The following GALNTL6 variants were observed in gnomAD, a reference collection of about 807,000 sequenced individuals.
The protein encoded by GALNTL6 is polypeptide N-acetylgalactosaminyltransferase-like 6.
A neutral mutation model predicts 73.7 loss-of-function variants in GALNTL6; 46 were observed. The observed-to-expected ratio is 0.62, with a 90% CI of 0.49 to 0.80. The LOEUF (loss-of-function observed/expected upper bound fraction) is 0.80. Ranked by LOEUF, GALNTL6 falls within the 30% of genes least tolerant of loss-of-function variation. The pLI, the probability that GALNTL6 is intolerant of heterozygous loss-of-function variation, is 0.00. For missense variants in GALNTL6, 604 were observed against 755.0 expected (o/e 0.80, Z 2.34); for synonymous variants, 259 against 263.7 (o/e 0.98, Z 0.17).
At chr4:172,418,201 G>A (rs543261918) in intron 5 of GALNTL6, among the ~76,000 whole-genome samples, 2 of 152,234 alleles carry the variant, frequency 1.3e-5, no homozygotes, top group South Asian at 4.1e-4. Flanking sequence ...AATTTAAAAA[G>A]TAAAACTTTT....
intron 2 of GALNTL6, among the ~76,000 whole-genome samples, chr4:172,224,472 T>C (rs1407659145): frequency 2.0e-5 from 3 of 152,160 alleles, no homozygotes; most frequent in Non-Finnish European, 4.4e-5. Flanking sequence ...TAAGATAGGT[T>C]TTAGAATACA....
At chr4:171,881,156 G>A (rs933906402) in intron 2 of GALNTL6, among the ~76,000 whole-genome samples, 15 of 152,066 alleles carry the variant, frequency 9.9e-5, no homozygotes, top group Non-Finnish European at 1.8e-4. Flanking sequence ...AGATTTCTGC[G>A]GAATAAACCT....
chr4:171,927,830 C>G (rs1301931438), intron 2 of GALNTL6, among the ~76,000 whole-genome samples: 1 of 152,196 alleles, frequency 6.6e-6, no homozygotes, highest in Non-Finnish European at 1.5e-5. Context: ...TTGTCTCTCT[C>G]ATGTCATTCA....
chr4:172,630,380 C>A (rs1272920278), intron 5 of GALNTL6, among the ~76,000 whole-genome samples: 1 of 152,070 alleles, frequency 6.6e-6, no homozygotes, highest in Non-Finnish European at 1.5e-5. Flanking sequence ...TACATTTTAT[C>A]TTTTTATAAC....
intron 3 of GALNTL6, among the ~76,000 whole-genome samples, chr4:172,281,577 G>A (rs371852496): frequency 2.0e-4 from 30 of 152,176 alleles, no homozygotes; most frequent in Middle Eastern, 3.4e-3. Flanking sequence ...CAGGCATTGT[G>A]GTGCACGCCT....
intron 5 of GALNTL6, among the ~76,000 whole-genome samples, chr4:172,455,962 C>G (rs1228648071): frequency 6.6e-6 from 1 of 152,136 alleles, no homozygotes; most frequent in African/African-American, 2.4e-5. Flanking sequence ...CAGCTGGCAT[C>G]TGACGGTTAC....
At chr4:172,061,945 CT>C (rs11284710) in intron 2 of GALNTL6, among the ~76,000 whole-genome samples, 35,717 of 114,230 alleles carry the variant, frequency 0.31, 5,118 homozygotes, top group South Asian at 0.47. Context: ...TTTTTATCCA[CT>C]TTTTTTTTTT....
intron 5 of GALNTL6, among the ~76,000 whole-genome samples, chr4:172,652,029 G>A (rs1294237351): frequency 6.6e-6 from 1 of 152,188 alleles, no homozygotes; most frequent in Non-Finnish European, 1.5e-5. Flanking sequence ...CAGAGAAACT[G>A]TAATACAGAG....
chr4:172,327,605 CTTGG>C (rs1325837577), intron 4 of GALNTL6, among the ~76,000 whole-genome samples: 1 of 151,930 alleles, frequency 6.6e-6, no homozygotes, highest in Non-Finnish European at 1.5e-5. Flanking sequence ...ATTTGGGATA[CTTGG>C]TTGTTGTTGA....
chr4:172,812,327 G>A (rs966942226), intron 6 of GALNTL6, among the ~76,000 whole-genome samples: 1 of 152,186 alleles, frequency 6.6e-6, no homozygotes, highest in African/African-American at 2.4e-5. Context: ...AACAAAATAT[G>A]TTATGGAAAT....
chr4:172,665,257 G>A (rs1391735316), intron 5 of GALNTL6, among the ~76,000 whole-genome samples: 2 of 152,120 alleles, frequency 1.3e-5, no homozygotes, highest in Admixed American at 6.5e-5. Flanking sequence ...CATGCTGCGG[G>A]CCTCTGCTTA....
chr4:172,592,671 T>TCTATCTAC (rs1737688662), intron 5 of GALNTL6, among the ~76,000 whole-genome samples: 1 of 22,630 alleles, frequency 4.4e-5, no homozygotes, highest in Admixed American at 6.4e-4. Flanking sequence ...TGTCTGTCTG[T>TCTATCTAC]CTATCTATCT....
At chr4:172,884,049 G>T (rs1745592423) in intron 8 of GALNTL6, among the ~76,000 whole-genome samples, 1 of 151,972 alleles carries the variant, frequency 6.6e-6, no homozygotes, top group Non-Finnish European at 1.5e-5. Context: ...TGGACACTTA[G>T]GTAACTATTG....
At chr4:172,221,187 A>G (rs1017410899) in intron 2 of GALNTL6, among the ~76,000 whole-genome samples, 3 of 151,840 alleles carry the variant, frequency 2.0e-5, no homozygotes, top group Non-Finnish European at 4.4e-5. Flanking sequence ...AGCTTTTTCT[A>G]CCTAATCCCC....
intron 5 of GALNTL6, among the ~76,000 whole-genome samples, chr4:172,392,235 C>A (rs373277296): frequency 6.6e-6 from 1 of 152,070 alleles, no homozygotes; most frequent in Non-Finnish European, 1.5e-5. Context: ...GTGATCTGCC[C>A]GCCTTGACCT....
chr4:172,303,266 G>A (rs1251331704), intron 3 of GALNTL6, among the ~76,000 whole-genome samples: 1 of 152,154 alleles, frequency 6.6e-6, no homozygotes, highest in African/African-American at 2.4e-5. Flanking sequence ...CCAAAGTGCT[G>A]GGATTACAGA....
At chr4:171,878,860 G>A (rs1331998073) in intron 2 of GALNTL6, among the ~76,000 whole-genome samples, 1 of 152,036 alleles carries the variant, frequency 6.6e-6, no homozygotes, top group Non-Finnish European at 1.5e-5. Context: ...GTGAGTTCTC[G>A]TGAGATCTGT....
At chr4:172,560,327 CA>C (rs910915336) in intron 5 of GALNTL6, among the ~76,000 whole-genome samples, 15 of 68,890 alleles carry the variant, frequency 2.2e-4, no homozygotes, top group Non-Finnish European at 3.7e-4. Context: ...AAAAATTAAG[CA>C]AAAAAAAAAG....
chr4:172,919,129 G>A (rs1747670121), intron 8 of GALNTL6, among the ~76,000 whole-genome samples: 1 of 152,162 alleles, frequency 6.6e-6, no homozygotes, highest in African/African-American at 2.4e-5. Flanking sequence ...CACTGTTTAC[G>A]AAAAGAGTTT....
Sources: gnomAD v4.1 joint callset for allele counts (sites outside exome capture counted in the v4.1 genomes callset) on GRCh38, gnomAD v4.1.1 for gene constraint, MANE v1.5 for transcripts, NCBI Gene and HGNC (gene_info 2026-07-23, HGNC 2026-07-21) for gene names.